Variants in GTF3C3 observed in about 807,000 individuals in gnomAD.
GTF3C3 encodes general transcription factor 3C polypeptide 3.
In GTF3C3, 75 loss-of-function variants were observed where a neutral mutation model predicts 105.2. The observed-to-expected ratio is 0.71, with a 90% CI of 0.59 to 0.86. GTF3C3 has a LOEUF of 0.86. Among genes scored for constraint, GTF3C3 ranks in the 40% least tolerant of loss-of-function variants. The probability of loss-of-function intolerance (pLI) is 0.00; values close to 1 mark genes in which losing one functional copy is unlikely to be tolerated. For synonymous variants in GTF3C3, 335 were observed against 370.4 expected, an observed-to-expected ratio of 0.90 and a Z score of 1.10; for missense variants, 856 against 1,076.5, an observed-to-expected ratio of 0.80 and a Z score of 2.87.
intron 15 of GTF3C3, among the ~76,000 whole-genome samples, chr2:196,771,112 CTTTAA>C (rs1699167019): frequency 6.6e-6 from 1 of 151,830 alleles, no homozygotes; most frequent in African/African-American, 2.4e-5. Context: ...TTTGCTTCTT[CTTTAA>C]TTTTTTTTTA....
At chr2:196,795,577 T>C (rs1699628445) in intron 2 of GTF3C3, among the ~76,000 whole-genome samples, 1 of 152,228 alleles carries the variant, frequency 6.6e-6, no homozygotes, top group Non-Finnish European at 1.5e-5. Flanking sequence ...GTATGATCCA[T>C]CCTGATAGAA....
At chr2:196,788,375 A>C (rs575244475) in intron 6 of GTF3C3, among the ~76,000 whole-genome samples, 1 of 152,352 alleles carries the variant, frequency 6.6e-6, no homozygotes, top group African/African-American at 2.4e-5. Context: ...ACTCAGCAAA[A>C]ATGTTTCCTA....
Position 196,786,396 on chromosome 2 carries a change from T to C in GTF3C3, c.894-808A>G, listed in dbSNP as rs144254468. On this transcript the variant is annotated intron_variant, in intron 6 of 17. Coordinates refer to ENST00000263956, the MANE Select transcript of GTF3C3 (RefSeq NM_012086.5). This position sits in a 1 kb window ranked among gnomAD's most constrained non-coding sequence, Gnocchi z 4.2. ...GCAGTCTCCCAGTCCCCACTCTCAG[T>C]TGATGGCCTTGCTTGACATTTTTAC... is the stretch of plus-strand genomic sequence containing the variant. Among the ~76,000 whole-genome samples the C allele has an allele frequency of 5.8e-4, 88 of 152,320 alleles. No individual in the cohort carries two copies. The highest frequency in any genetic ancestry group is 2.0e-3 in the African/African-American group (82 of 41,582).
At chr2:196,794,890 G>C (rs2125752290) in intron 2 of GTF3C3, among the ~76,000 whole-genome samples, 2 of 150,796 alleles carry the variant, frequency 1.3e-5, no homozygotes, top group East Asian at 3.9e-4. Flanking sequence ...CACCACACCT[G>C]GCTAATTTTT....
At chr2:196,793,484 T>G (rs573320797) in intron 2 of GTF3C3, among the ~76,000 whole-genome samples, 74 of 152,252 alleles carry the variant, frequency 4.9e-4, no homozygotes, top group Admixed American at 3.0e-3. Flanking sequence ...AGCCTAGCAG[T>G]ACGGAGCCCT....
rs776187322 is a variant in GTF3C3, at chr2:196,773,075, CA to C, written c.1909del (p.Cys637ValfsTer13). ...AGCCTCTTGAAATCGGGATAGGTCA[CA>C]TAAGGAGTATATGGCCTTCAACAGA... is the stretch of plus-strand genomic sequence containing the variant. ...NLLLKAIYSL[C>X]DLSRFQEAEL... is the part of the protein sequence containing the mutation. On this transcript the variant is annotated frameshift_variant, in exon 14 of 18. Coordinates refer to ENST00000263956, the MANE Select transcript of GTF3C3 (RefSeq NM_012086.5). LOFTEE classifies it high-confidence loss of function. 6.2e-7 allele frequency: 1 copy of C among 1,612,928 alleles called. No individual in the cohort carries two copies. Among genetic ancestry groups the C allele is most frequent in the Non-Finnish European group, 8.5e-7 (1 of 1,178,968 alleles).
rs1699545261 is a variant in GTF3C3, at chr2:196,791,329, GA to G, written c.535+7del. The G allele has an allele frequency of 6.2e-7, 1 of 1,613,716 alleles. No homozygotes were observed. ...TGCTATTATTAACAAAGTCCCCACA[GA>G]AAACACCTTGTCTTATGATTTCCAT... is the stretch of plus-strand genomic sequence containing the variant. On this transcript the variant is annotated splice_region_variant and intron_variant, in intron 4 of 17. Transcript: ENST00000263956.
At chr2:196,783,862 T>C (rs766595626) in intron 8 of GTF3C3, among the ~76,000 whole-genome samples, 8 of 152,172 alleles carry the variant, frequency 5.3e-5, no homozygotes, top group Non-Finnish European at 1.0e-4. Context: ...AATATCATAC[T>C]CATCTGCGTA....
At position 196,773,106 on chromosome 2, in the gene GTF3C3, T is replaced by G. The variant is rs1452484960; in HGVS notation, c.1879A>C (p.Asn627His). ...TSVLTKDDWW[N>H]LLLKAIYSLC... ...GAGTATATGGCCTTCAACAGAAGAT[T>G]CCACCAGTCATCCTTTGTCAAGACG... Residue 627 changes from asparagine (N) to histidine (H), a missense_variant, in exon 14 of 18, where the codon AAT becomes CAT. Coordinates refer to ENST00000263956, the MANE Select transcript of GTF3C3 (RefSeq NM_012086.5). 3.1e-6 allele frequency: 5 copies of G among 1,612,584 alleles called. No individual in the cohort carries two copies. The highest frequency in any genetic ancestry group is 4.2e-6 in the Non-Finnish European group (5 of 1,179,406).
At chr2:196,793,595 TTAC>T (rs2125751636) in intron 2 of GTF3C3, among the ~76,000 whole-genome samples, 1 of 152,294 alleles carries the variant, frequency 6.6e-6, no homozygotes, top group South Asian at 2.1e-4. Flanking sequence ...CTAGGGGAAA[TTAC>T]TAAAGCTGCT....
chr2:196,776,537 A>G lies in GTF3C3; in HGVS notation c.1483T>C (p.Ser495Pro). The change falls in exon 11 of 18, where the codon TCA (serine) becomes CCA (proline). Residue 495 changes from serine to proline, a missense_variant. Coordinates refer to ENST00000263956, the MANE Select transcript of GTF3C3 (RefSeq NM_012086.5). This position sits in a 1 kb window ranked among gnomAD's most constrained non-coding sequence, Gnocchi z 4.5. ...LAPLHLDARI[S>P]LSTLQQQLGQ... ...AGCTGCTGCTGAAGGGTAGAAAGTG[A>G]AATCCTTGCATCCAAATGGAGTGGG... 2 of 1,614,168 alleles carry G rather than the reference A, an allele frequency of 1.2e-6. No individual in the cohort carries two copies. The highest frequency in any genetic ancestry group is 1.7e-6 in the Non-Finnish European group (2 of 1,179,998).
chr2:196,770,646 G>A (rs896140919), intron 15 of GTF3C3, among the ~76,000 whole-genome samples: 5 of 152,124 alleles, frequency 3.3e-5, no homozygotes, highest in African/African-American at 1.2e-4. Context: ...ATCATATGCA[G>A]TAGGGGTATT....
At chr2:196,798,240 TAAAA>T (rs1463435704) in intron 1 of GTF3C3, among the ~76,000 whole-genome samples, 2 of 152,126 alleles carry the variant, frequency 1.3e-5, no homozygotes, top group Non-Finnish European at 2.9e-5. Flanking sequence ...ATATTTTAAA[TAAAA>T]AATGACTTGG....
rs1157743587 is a variant in GTF3C3, at chr2:196,776,964, A to G, written c.1391-335T>C. On this transcript the variant is annotated intron_variant, in intron 10 of 17. Coordinates refer to ENST00000263956, the MANE Select transcript of GTF3C3 (RefSeq NM_012086.5). The surrounding 1 kb of genome is among the most constrained non-coding windows in gnomAD (Gnocchi z 4.5). The stretch of plus-strand genomic sequence containing the variant: ...ATCATTTGCCATTTAGGTTGCTTTC[A>G]AATTTTTACTCTAATAAATAATACT... 6.6e-6 allele frequency among the ~76,000 whole-genome samples: 1 copy of G among 152,184 alleles called. No homozygotes were observed. The highest frequency in any genetic ancestry group is 6.5e-5 in the Admixed American group (1 of 15,274).
chr2:196,787,496 C>T (rs976465751), intron 6 of GTF3C3, among the ~76,000 whole-genome samples: 1 of 152,148 alleles, frequency 6.6e-6, no homozygotes, highest in Non-Finnish European at 1.5e-5. Context: ...CCATACTTTG[C>T]ACTTCCTGTT....
At chr2:196,765,305 T>C (rs1699041898) in intron 17 of GTF3C3, among the ~76,000 whole-genome samples, 1 of 152,012 alleles carries the variant, frequency 6.6e-6, no homozygotes, top group Non-Finnish European at 1.5e-5. Context: ...TACAAAAACT[T>C]TGGGTCAACT....
intron 10 of GTF3C3, 39 bp downstream of exon 10, chr2:196,778,855 TTA>T (rs1699298470): frequency 6.4e-7 from 1 of 1,554,474 alleles, no homozygotes; most frequent in Non-Finnish European, 8.9e-7. Flanking sequence ...TCTTGGCTGC[TTA>T]TATGATTAAA....
chr2:196,795,055 T>G (rs1002073104), intron 2 of GTF3C3, among the ~76,000 whole-genome samples: 1 of 151,406 alleles, frequency 6.6e-6, no homozygotes, highest in Non-Finnish European at 1.5e-5. Flanking sequence ...TTGTTTTGTT[T>G]TTTTTAGACA....
At chr2:196,766,147 C>A (rs1010290317) in intron 17 of GTF3C3, among the ~76,000 whole-genome samples, 2 of 151,702 alleles carry the variant, frequency 1.3e-5, no homozygotes, top group African/African-American at 4.8e-5. Flanking sequence ...AAAAATCAGA[C>A]TTTAAACACA....
Sources: gnomAD v4.1 joint callset for allele counts (sites outside exome capture counted in the v4.1 genomes callset) on GRCh38, gnomAD v4.1.1 for gene constraint, Gnocchi (gnomAD v3.1) non-coding constraint, MANE v1.5 for transcripts, NCBI Gene and HGNC (gene_info 2026-07-23, HGNC 2026-07-21) for gene names.